NRXN3: variants seen among roughly 807,000 people sequenced by gnomAD.
The protein encoded by NRXN3 is neurexin 3.
NRXN3 carries 32 observed loss-of-function variants against 137.6 expected under a neutral mutation model. That is an observed-to-expected ratio of 0.23 (90% CI 0.18 to 0.31). The LOEUF is 0.31. Among genes scored for constraint, NRXN3 ranks in the 10% least tolerant of loss-of-function variants. NRXN3 has a pLI of 1.00. For synonymous variants in NRXN3, 798 were observed against 784.5 expected (o/e 1.02, Z -0.29); for missense variants, 1,574 against 2,062.5 (o/e 0.76, Z 4.59).
At chr14:78,893,559 G>A (rs575498952) in intron 10 of NRXN3, among the ~76,000 whole-genome samples, 77 of 151,980 alleles carry the variant, frequency 5.1e-4, no homozygotes, top group Middle Eastern at 3.4e-3. Context: ...TTGCTGGAAG[G>A]CTCCACTAGA....
intron 15 of NRXN3, among the ~76,000 whole-genome samples, chr14:79,071,750 G>A (rs1283157456): frequency 6.6e-6 from 1 of 152,120 alleles, no homozygotes; most frequent in African/African-American, 2.4e-5. Flanking sequence ...TAAGATTTAG[G>A]ATTTGATAGC....
chr14:78,620,132 A>G (rs1213508325), intron 4 of NRXN3, among the ~76,000 whole-genome samples: 1 of 152,208 alleles, frequency 6.6e-6, no homozygotes, highest in African/African-American at 2.4e-5. Context: ...GCATAAAGTT[A>G]CCTGTTTTTA....
At chr14:78,221,812 A>G (rs2063883352) in intron 1 of NRXN3, among the ~76,000 whole-genome samples, 1 of 152,206 alleles carries the variant, frequency 6.6e-6, no homozygotes, top group South Asian at 2.1e-4. Flanking sequence ...CAGAGGTGCC[A>G]AAGAGCAAGC....
chr14:78,856,904 T>G (rs1457840566), intron 10 of NRXN3, among the ~76,000 whole-genome samples: 1 of 152,122 alleles, frequency 6.6e-6, no homozygotes, highest in African/African-American at 2.4e-5. Context: ...AAGCTAATTT[T>G]TGTATTTTTG....
chr14:78,957,947 G>T (rs928892174), intron 11 of NRXN3, among the ~76,000 whole-genome samples: 5 of 152,126 alleles, frequency 3.3e-5, no homozygotes, highest in Non-Finnish European at 7.4e-5. Flanking sequence ...TTGGCCTGGT[G>T]GGATTTACAT....
chr14:78,691,077 G>A (rs2098166611), intron 6 of NRXN3, among the ~76,000 whole-genome samples: 1 of 152,154 alleles, frequency 6.6e-6, no homozygotes, highest in Admixed American at 6.5e-5. Flanking sequence ...GAGTTACTTG[G>A]AAAGTGTACA....
chr14:79,604,012 C>T lies in NRXN3; in HGVS notation c.3445-59766C>T, dbSNP rs564686892. Among the ~76,000 whole-genome samples the T allele has an allele frequency of 3.6e-3, 545 of 152,138 alleles. 1 individual carries two copies. Among genetic ancestry groups the T allele is most frequent in the African/African-American group, 0.013 (523 of 41,498 alleles). On this transcript the variant is annotated intron_variant, in intron 16 of 20. Coordinates refer to ENST00000335750, the MANE Select transcript of NRXN3 (RefSeq NM_001330195.2). The stretch of plus-strand genomic sequence containing the variant: ...AAGCGATTCTCCTGCCTCAGCCTCC[C>T]GAGTGGCTGGAATTACAGGTCCCCA...
Position 78,714,772 on chromosome 14 carries a change from C to G in NRXN3, c.1677C>G (p.Asn559Lys), listed in dbSNP as rs374688947. 6 of 1,613,754 alleles carry G rather than the reference C, an allele frequency of 3.7e-6. No individual in the cohort carries two copies. The highest frequency in any genetic ancestry group is 4.2e-6 in the Non-Finnish European group (5 of 1,179,830). The change falls in exon 8 of 21, where the codon AAC becomes AAG. Residue 559 changes from asparagine (N) to lysine (K), a missense_variant. Around this residue, in one of 5 missense-constraint regions of NRXN3, gnomAD observed 718 missense variants for 887.6 expected, o/e 0.81. Coordinates refer to ENST00000335750, the MANE Select transcript of NRXN3 (RefSeq NM_001330195.2). Reference protein sequence around the residue: ...RDGRSGTISVNSRRTPFTASG... With the variant: ...RDGRSGTISVKSRRTPFTASG... ...CCACCCCAGGTACTATATCAGTGAA[C>G]AGCAGGCGCACGCCATTCACCGCCA...
chr14:79,675,360 A>T (rs1431222280), intron 17 of NRXN3, among the ~76,000 whole-genome samples: 1 of 152,096 alleles, frequency 6.6e-6, no homozygotes, highest in African/African-American at 2.4e-5. Context: ...TATAATGCAA[A>T]ATCTACTATA....
At chr14:78,312,882 A>T (rs892026966) in intron 4 of NRXN3, among the ~76,000 whole-genome samples, 7 of 152,216 alleles carry the variant, frequency 4.6e-5, no homozygotes, top group Non-Finnish European at 1.0e-4. Context: ...GATAGAATAA[A>T]TAAGTGTGTT....
intron 15 of NRXN3, chr14:79,314,276 C>G (rs1437186260): frequency 8.0e-6 from 1 of 124,316 alleles, no homozygotes; most frequent in African/African-American, 3.1e-5. Context: ...TCAGGGAGTT[C>G]CCTTTCCGAG....
intron 15 of NRXN3, among the ~76,000 whole-genome samples, chr14:79,077,337 G>A (rs1042690156): frequency 6.6e-6 from 1 of 152,118 alleles, no homozygotes; most frequent in Admixed American, 6.5e-5. Context: ...CACATAGCCC[G>A]AGGCACTGGG....
At chr14:79,469,893 G>C (rs562553632) in intron 16 of NRXN3, among the ~76,000 whole-genome samples, 1 of 152,116 alleles carries the variant, frequency 6.6e-6, no homozygotes, top group East Asian at 1.9e-4. Flanking sequence ...CATCATACTT[G>C]AAAGTAAAGA....
intron 4 of NRXN3, among the ~76,000 whole-genome samples, chr14:78,428,841 C>T (rs2093762160): frequency 6.6e-6 from 1 of 152,150 alleles, no homozygotes; most frequent in Admixed American, 6.5e-5. Context: ...TATGCACAGT[C>T]AATCTGTTTT....
chr14:78,670,904 A>C (rs541706039), intron 6 of NRXN3, among the ~76,000 whole-genome samples: 1 of 152,288 alleles, frequency 6.6e-6, no homozygotes, highest in South Asian at 2.1e-4. Flanking sequence ...TGATGGGTTG[A>C]GTGGGAAGTA....
intron 3 of NRXN3, among the ~76,000 whole-genome samples, chr14:78,289,430 G>A (rs540240036): frequency 4.8e-4 from 73 of 152,228 alleles, no homozygotes; most frequent in Middle Eastern, 3.4e-3. Context: ...GGTGTCTTTG[G>A]AGATCATCAG....
chr14:78,201,023 C>T (rs547692644), intron 1 of NRXN3, among the ~76,000 whole-genome samples: 16 of 152,234 alleles, frequency 1.1e-4, no homozygotes, highest in South Asian at 4.2e-4. Context: ...GGTCCCTCCT[C>T]GGGGTGACAC....
chr14:78,938,781 T>G (rs2099346834), intron 10 of NRXN3, among the ~76,000 whole-genome samples: 1 of 151,958 alleles, frequency 6.6e-6, no homozygotes, highest in Non-Finnish European at 1.5e-5. Flanking sequence ...CAGGACTTGT[T>G]CTCTCTGCTT....
At chr14:79,071,603 G>A (rs144794441) in intron 15 of NRXN3, among the ~76,000 whole-genome samples, 97 of 152,246 alleles carry the variant, frequency 6.4e-4, no homozygotes, top group African/African-American at 2.2e-3. Context: ...ATTTGTGGGA[G>A]CTAAAAATTT....
Sources: allele counts gnomAD v4.1 joint callset (sites outside exome capture counted in the v4.1 genomes callset), GRCh38; gene constraint gnomAD v4.1.1; regional missense constraint gnomAD v4.1.1; transcripts MANE v1.5; gene names NCBI Gene and HGNC (gene_info 2026-07-23, HGNC 2026-07-21).